The following KNL1 variants were observed in gnomAD, a reference collection of about 807,000 sequenced individuals.
KNL1 encodes kinetochore scaffold 1, also known as outer kinetochore KNL1 complex subunit KNL1.
A neutral mutation model predicts 201.3 loss-of-function variants in KNL1; 66 were observed. The ratio of observed to expected loss-of-function variants is 0.33; its 90% CI spans 0.27 to 0.40. The LOEUF (loss-of-function observed/expected upper bound fraction) is 0.40, where lower values mean the gene tolerates loss of function less well. Ranked by LOEUF, KNL1 falls within the 10% of genes least tolerant of loss-of-function variation. The pLI is 1.00. For synonymous variants in KNL1, 895 were observed against 899.2 expected, an observed-to-expected ratio of 1.00 and a Z score of 0.08; for missense variants, 2,815 against 2,690.5, an observed-to-expected ratio of 1.05 and a Z score of -1.02.
chr15:40,629,204 C>A, intron 12 of KNL1, 69 bp from the exon 13 acceptor site: 3 of 841,174 alleles, frequency 3.6e-6, no homozygotes, highest in Non-Finnish European at 5.7e-6. Context: ...CTTTTAGAAA[C>A]AAATGAAGTG....
chr15:40,618,484 A>T (rs1280955880), intron 8 of KNL1, among the ~76,000 whole-genome samples: 1 of 152,010 alleles, frequency 6.6e-6, no homozygotes, highest in Non-Finnish European at 1.5e-5. Flanking sequence ...TCTCCATGGG[A>T]CTTCTACTAT....
At chr15:40,606,493 A>C (rs1891977941) in intron 4 of KNL1, 41 bp downstream of exon 4, 1 of 1,120,334 alleles carries the variant, frequency 8.9e-7, no homozygotes, top group Admixed American at 1.8e-5. Context: ...GACTATTTTC[A>C]GTTATATTTT....
Position 40,631,559 on chromosome 15 carries a change from C to T in KNL1, c.5682+2188C>T, listed in dbSNP as rs958748629. Reference sequence around the variant, plus strand: ...TGAGCTCCTGGGCTTAAGCAGTCCACCCACCTTGGCCTCCTAAAGTGCTAG... The same window carrying T: ...TGAGCTCCTGGGCTTAAGCAGTCCATCCACCTTGGCCTCCTAAAGTGCTAG... On this transcript the variant is annotated intron_variant, in intron 13 of 25. Coordinates refer to ENST00000399668, the MANE Select transcript of KNL1 (RefSeq NM_144508.5). Among the ~76,000 whole-genome samples, 13 of 152,178 alleles carry T rather than the reference C, an allele frequency of 8.5e-5. 1 individual carries two copies. Among genetic ancestry groups the T allele is most frequent in the Non-Finnish European group, 1.5e-4 (10 of 68,014 alleles).
Position 40,651,454 on chromosome 15 carries a change from C to G in KNL1, c.6213-17C>G. The G allele has an allele frequency of 6.4e-7, 1 of 1,554,258 alleles. No homozygotes were observed. The highest frequency in any genetic ancestry group is 1.2e-5 in the South Asian group (1 of 84,938). On this transcript the variant is annotated splice_polypyrimidine_tract_variant and intron_variant, in intron 19 of 25. Coordinates refer to ENST00000399668, the MANE Select transcript of KNL1 (RefSeq NM_144508.5). ...AACAAAAACCTTATCTCTCTGAATA[C>G]CTGCTTTTATTTGCAGAAATCTCTT...
rs1267223963 is a variant in KNL1 at position 40,622,991 on chromosome 15, T to C, written c.2727T>C (p.Cys909=). 6.2e-7 allele frequency: 1 copy of C among 1,613,970 alleles called. No homozygotes were observed. The highest frequency in any genetic ancestry group is 1.3e-5 in the African/African-American group (1 of 75,038). Residue 909 remains cysteine (C), a synonymous_variant, in exon 10 of 26, where the codon TGT becomes TGC. Coordinates refer to ENST00000399668, the MANE Select transcript of KNL1 (RefSeq NM_144508.5). ...CTTCTGAAACTATTTTATATACATG[T>C]AGGCAGGATGACATGGAGATCACTA... ...AGTSETILYT[C]RQDDMEITRS...
At chr15:40,602,479 C>CGT (rs1566998543) in intron 1 of KNL1, among the ~76,000 whole-genome samples, 3 of 104,266 alleles carry the variant, frequency 2.9e-5, no homozygotes, top group African/African-American at 1.0e-4. Context: ...TTTTTTCCTT[C>CGT]CTTTTTTTTT....
intron 19 of KNL1, 27 bp downstream of exon 19, chr15:40,650,610 A>G (rs760804340): frequency 1.3e-6 from 2 of 1,537,294 alleles, no homozygotes; most frequent in East Asian, 2.3e-5. Flanking sequence ...AGTGTTAGAA[A>G]ATATAATGCT....
rs1346100079 is a variant in KNL1, at chr15:40,624,851, T to G, written c.4587T>G (p.Thr1529=). 1 of 1,612,868 alleles carries G rather than the reference T, an allele frequency of 6.2e-7. No homozygotes were observed. The change falls in exon 10 of 26, where the codon ACT becomes ACG. Residue 1529 remains threonine, a synonymous_variant. Coordinates refer to ENST00000399668, the MANE Select transcript of KNL1 (RefSeq NM_144508.5). ...ATTTCCACAGTAACTCAGACGTAAC[T>G]AAGCAAGTCATTCAAACTCATGTCA... The part of the protein sequence containing the change: ...ALDFHSNSDV[T]KQVIQTHVNA...
intron 3 of KNL1, among the ~76,000 whole-genome samples, 155 bp from the exon 4 acceptor site, chr15:40,606,238 T>A (rs1415192570): frequency 6.6e-6 from 1 of 152,224 alleles, no homozygotes; most frequent in African/African-American, 2.4e-5. Flanking sequence ...GATATTTAAA[T>A]CTGCCACACG....
intron 14 of KNL1, among the ~76,000 whole-genome samples, chr15:40,642,277 T>A (rs926708094): frequency 6.6e-6 from 1 of 151,876 alleles, no homozygotes; most frequent in Non-Finnish European, 1.5e-5. Flanking sequence ...CAGGCACTTG[T>A]AGTCCCAGCT....
intron 21 of KNL1, 35 bp downstream of exon 21, chr15:40,652,140 A>G: frequency 7.5e-7 from 1 of 1,340,804 alleles, no homozygotes. Context: ...CTTTTACAGA[A>G]AAATGAATGG....
In KNL1 at chr15:40,622,242, G is replaced by A. The variant is rs775918946; in HGVS notation, c.1978G>A (p.Ala660Thr). The A allele has an allele frequency of 5.0e-6, 8 of 1,614,054 alleles. No homozygotes were observed. The highest frequency in any genetic ancestry group is 6.8e-6 in the Non-Finnish European group (8 of 1,179,956). Residue 660 changes from alanine to threonine, a missense_variant, in exon 10 of 26, where the codon GCT (alanine) becomes ACT (threonine). By Grantham distance (58) the Ala-to-Thr change is moderately conservative. Transcript: ENST00000399668. ...CCTTGATAAAGATTCTCCTCAGTCA[G>A]CTGATTGTAATCAGGAGATAGCAAC... ...PYLDKDSPQSADCNQEIATSH... is the reference protein window; with the variant it reads ...PYLDKDSPQSTDCNQEIATSH...
At chr15:40,655,013 TG>T (rs772292241) in intron 22 of KNL1, 36 bp downstream of exon 22, 2 of 1,533,778 alleles carry the variant, frequency 1.3e-6, no homozygotes, top group Admixed American at 1.7e-5. Context: ...AAAAATTTGT[TG>T]GGGCTGGGCA....
chr15:40,622,608 C>T lies in KNL1; in HGVS notation c.2344C>T (p.Leu782Phe). 2 of 1,605,140 alleles carry T rather than the reference C, an allele frequency of 1.2e-6. No homozygotes were observed. The highest frequency in any genetic ancestry group is 1.7e-6 in the Non-Finnish European group (2 of 1,176,470). The change falls in exon 10 of 26, where the codon CTT becomes TTT. Residue 782 changes from leucine (L) to phenylalanine (F), a missense_variant. Transcript: ENST00000399668. ...ATTTGGTCCTTCTGAACTACAAGAA[C>T]TTGGTAAAACTAATTTAGAACACAC... ...IGFGPSELQE[L>F]GKTNLEHTTG...
chr15:40,634,027 A>G (rs955573568), intron 13 of KNL1, among the ~76,000 whole-genome samples: 1 of 152,212 alleles, frequency 6.6e-6, no homozygotes, highest in Non-Finnish European at 1.5e-5. Flanking sequence ...AGACAGTGAT[A>G]TTAATGATCT....
At chr15:40,647,964 A>C (rs920488535) in intron 17 of KNL1, among the ~76,000 whole-genome samples, 1 of 152,178 alleles carries the variant, frequency 6.6e-6, no homozygotes, top group Non-Finnish European at 1.5e-5. Context: ...TCTCTCCCCT[A>C]GTGCTTTCGT....
chr15:40,623,139 A>G lies in KNL1; in HGVS notation c.2875A>G (p.Thr959Ala), dbSNP rs1430005882. The change falls in exon 10 of 26, where the codon ACT (threonine) becomes GCT (alanine). Residue 959 changes from threonine (T) to alanine (A), a missense_variant. Thr to Ala is a moderately conservative substitution (Grantham distance 58). Coordinates refer to ENST00000399668, the MANE Select transcript of KNL1 (RefSeq NM_144508.5). ...TGAACTAGAAATGACAGAGTCCCATACTGTTTTCATTGACTACCAAGAAAA... is the reference window on the plus strand; with the variant it reads ...TGAACTAGAAATGACAGAGTCCCATGCTGTTTTCATTGACTACCAAGAAAA... ...HVELEMTESH[T>A]VFIDYQEKER... is the part of the protein sequence containing the mutation. The G allele has an allele frequency of 6.2e-7, 1 of 1,613,880 alleles. No homozygotes were observed. The highest frequency in any genetic ancestry group is 1.7e-5 in the Admixed American group (1 of 60,002).
intron 1 of KNL1, 23 bp from the exon 2 acceptor site, chr15:40,602,892 C>T (rs2141697554): frequency 7.5e-7 from 1 of 1,334,724 alleles, no homozygotes; most frequent in Non-Finnish European, 1.1e-6. Context: ...CTCATGTTTT[C>T]TAATATTGTA....
intron 7 of KNL1, among the ~76,000 whole-genome samples, chr15:40,614,820 G>A (rs180711513): frequency 7.2e-5 from 11 of 152,176 alleles, no homozygotes; most frequent in African/African-American, 2.4e-4. Context: ...TTTGTTTTAA[G>A]GCTCAAGTTT....
Sources: gnomAD v4.1 joint callset for allele counts (sites outside exome capture counted in the v4.1 genomes callset) on GRCh38, gnomAD v4.1.1 for gene constraint, MANE v1.5 for transcripts, NCBI Gene and HGNC (gene_info 2026-07-23, HGNC 2026-07-21) for gene names.